Variants in OR4F5 observed in about 807,000 individuals in gnomAD.
OR4F5 encodes olfactory receptor 4F5.
A neutral mutation model predicts 5.8 loss-of-function variants in OR4F5; 1 was observed. The ratio of observed to expected loss-of-function variants is 0.17; its 90% confidence interval spans 0.06 to 0.82. The LOEUF is 0.82. Among genes scored for constraint, OR4F5 ranks in the 40% least tolerant of loss-of-function variants. The probability of loss-of-function intolerance (pLI) is 0.72; values close to 1 mark genes in which losing one functional copy is unlikely to be tolerated. For missense variants in OR4F5, 47 were observed against 175.5 expected (o/e 0.27, Z 4.14); for synonymous variants, 18 against 63.7 (o/e 0.28, Z 3.42).
At chr1:68,082 T>C (rs367789441) in intron 2 of OR4F5, among the ~76,000 whole-genome samples, 2,214 of 46,126 alleles carry the variant, frequency 0.048, 170 homozygotes, top group Middle Eastern at 0.14. Flanking sequence ...AGAACTTCTA[T>C]AAAGTTGTGC....
intron 2 of OR4F5, among the ~76,000 whole-genome samples, chr1:66,227 T>A (rs1357616742): frequency 1.0e-4 from 2 of 19,064 alleles, no homozygotes; most frequent in African/African-American, 1.1e-4. Flanking sequence ...TAATATATAT[T>A]ATATAATATA....
rs113961546 is a variant in OR4F5, at chr1:66,238, T to A, written c.9+665T>A. On this transcript the variant is annotated intron_variant, in intron 2 of 2. Coordinates refer to ENST00000641515, the MANE Select transcript of OR4F5 (RefSeq NM_001005484.2). ...TATATAATATATATTATATAATATA[T>A]ATTATATTATATAATATATAATATA... Among the ~76,000 whole-genome samples the A allele has an allele frequency of 4.7e-3, 218 of 46,016 alleles. 15 individuals are homozygous for A. Among genetic ancestry groups the A allele is most frequent in the African/African-American group, 0.011 (197 of 17,206 alleles). 30.2% of individuals were successfully genotyped at this position (46,016 alleles called of 152,430 possible).
intron 2 of OR4F5, among the ~76,000 whole-genome samples, chr1:66,385 TA>T (rs1304791055): frequency 1.5e-5 from 1 of 68,378 alleles, no homozygotes; most frequent in Non-Finnish European, 3.0e-5. Flanking sequence ...ATAAATTATA[TA>T]ATATAATATA....
intron 2 of OR4F5, among the ~76,000 whole-genome samples, chr1:67,439 C>T (rs1289549105): frequency 1.1e-5 from 1 of 93,462 alleles, no homozygotes; most frequent in African/African-American, 2.9e-5. Flanking sequence ...CTTTAAAAAA[C>T]AGCAAAAATC....
At chr1:66,534 T>TTTTATTATATAATATATATTATATAATA (rs1639949995) in intron 2 of OR4F5, among the ~76,000 whole-genome samples, 33 of 66,560 alleles carry the variant, frequency 5.0e-4, no homozygotes, top group African/African-American at 1.4e-3. Flanking sequence ...ATAATATATA[T>TTTTATTATATAATATATATTATATAATA]TATATTTATA....
intron 2 of OR4F5, among the ~76,000 whole-genome samples, chr1:67,347 G>T (rs1159855492): frequency 9.5e-5 from 10 of 105,016 alleles, no homozygotes; most frequent in African/African-American, 2.8e-4. Context: ...GTAATGTGCT[G>T]CTTTGAGTGT....
rs1639990460 is a variant in OR4F5 at position 70,655 on chromosome 1, G to A, written c.*647G>A. ...GTAGAAAGAATTTAGAGGGATCCAG[G>A]CTCTCATCACGTTGGCACAAAGTAT... On this transcript the variant is annotated 3_prime_UTR_variant, in exon 3 of 3. Transcript: ENST00000641515. 1 of 117,188 alleles carries A rather than the reference G, an allele frequency of 8.5e-6. No homozygotes were observed. Among genetic ancestry groups the A allele is most frequent in the Non-Finnish European group, 2.0e-5 (1 of 50,118 alleles). 7.3% of individuals were successfully genotyped at this position (117,188 alleles called of 1,614,324 possible).
chr1:66,217 TAA>T (rs1491427761), intron 2 of OR4F5, among the ~76,000 whole-genome samples: 3 of 66,178 alleles, frequency 4.5e-5, no homozygotes, highest in African/African-American at 1.2e-4. Flanking sequence ...ATTATATATA[TAA>T]TATATATTAT....
intron 2 of OR4F5, among the ~76,000 whole-genome samples, chr1:66,599 TA>T (rs1639951384): frequency 1.1e-5 from 1 of 89,182 alleles, no homozygotes; most frequent in Non-Finnish European, 2.4e-5. Context: ...TAAATATATT[TA>T]TATATTATAT....
chr1:66,436 T>A (rs1307977152), intron 2 of OR4F5, among the ~76,000 whole-genome samples: 1 of 54,182 alleles, frequency 1.8e-5, no homozygotes. Flanking sequence ...TAAATATATA[T>A]TATATTATAT....
intron 2 of OR4F5, among the ~76,000 whole-genome samples, chr1:66,534 T>TA (rs1275627785): frequency 7.5e-5 from 5 of 66,690 alleles, no homozygotes; most frequent in East Asian, 2.5e-4. Context: ...ATAATATATA[T>TA]TATATTTATA....
intron 2 of OR4F5, among the ~76,000 whole-genome samples, chr1:66,231 TA>T (rs1639935324): frequency 4.9e-4 from 29 of 58,748 alleles, no homozygotes; most frequent in African/African-American, 1.2e-3. Flanking sequence ...ATATATTATA[TA>T]ATATATATTA....
In OR4F5 at chr1:69,551, C is replaced by T. The variant is rs1253929898; in HGVS notation, c.524C>T (p.Ala175Val). The T allele has an allele frequency of 2.9e-6, 3 of 1,017,254 alleles. 1 individual carries two copies. Among genetic ancestry groups the T allele is most frequent in the South Asian group, 1.5e-5 (1 of 67,210 alleles). The allele number at this position is 1,017,254 out of a possible 1,614,324, so 63.0% of individuals were successfully genotyped here. The stretch of plus-strand genomic sequence containing the variant: ...TTTCTCCATTCGGTGAGCCAGTTGG[C>T]GTTTGCCGTGCACTTACTCTTCTGT... ...IGFLHSVSQLAFAVHLLFCGP... is the reference protein window; with the variant it reads ...IGFLHSVSQLVFAVHLLFCGP... Residue 175 changes from alanine (A) to valine (V), a missense_variant, in exon 3 of 3, where the codon GCG becomes GTG. Around this residue, in one of 3 missense-constraint regions of OR4F5, gnomAD observed 40 missense variants for 68.3 expected, o/e 0.59. Transcript: ENST00000641515.
rs868276049 is a variant in OR4F5 at position 66,352 on chromosome 1, T to C, written c.9+779T>C. ...ATATATATTTTATTATATAATATAA[T>C]ATATATTATATAAATATAATATATA... On this transcript the variant is annotated intron_variant, in intron 2 of 2. Transcript: ENST00000641515. Among the ~76,000 whole-genome samples, 161 of 44,598 alleles carry C rather than the reference T, an allele frequency of 3.6e-3. 1 individual carries two copies. The highest frequency in any genetic ancestry group is 9.2e-3 in the African/African-American group (157 of 17,080). 29.3% of individuals were successfully genotyped at this position (44,598 alleles called of 152,430 possible). A position where few individuals can be genotyped will look rare whatever the true frequency, so the allele number is the denominator to read the frequency against.
At chr1:66,442 T>TCATATA (rs1269543122) in intron 2 of OR4F5, among the ~76,000 whole-genome samples, 2 of 25,982 alleles carry the variant, frequency 7.7e-5, no homozygotes, top group Non-Finnish European at 1.5e-4. Flanking sequence ...TATATTATAT[T>TCATATA]ATATAATATA....
In OR4F5 at chr1:69,588, G is replaced by C; in HGVS notation, c.561G>C (p.Glu187Asp). ...AVHLLFCGPN[E>D]VDSFYCDLPR... The stretch of plus-strand genomic sequence containing the variant: ...ACTTACTCTTCTGTGGTCCCAATGA[G>C]GTCGATAGTTTTTATTGTGACCTTC... Residue 187 changes from glutamate (E) to aspartate (D), a missense_variant, in exon 3 of 3, where the codon GAG becomes GAC. Transcript: ENST00000641515. 3.8e-6 allele frequency: 4 copies of C among 1,045,176 alleles called. 1 individual carries two copies. The highest frequency in any genetic ancestry group is 5.4e-6 in the Non-Finnish European group (4 of 745,064). 64.7% of individuals were successfully genotyped at this position (1,045,176 alleles called of 1,614,324 possible).
chr1:66,562 T>C, intron 2 of OR4F5, among the ~76,000 whole-genome samples: 1 of 67,552 alleles, frequency 1.5e-5, no homozygotes, highest in Non-Finnish European at 3.6e-5. Context: ...TATATTATTA[T>C]ATAAAATATG....
Position 66,361 on chromosome 1 carries a change from TATAA to T in OR4F5, c.9+792_9+795del, listed in dbSNP as rs1639941289. Among the ~76,000 whole-genome samples, 9 of 43,398 alleles carry T rather than the reference TATAA, an allele frequency of 2.1e-4. No homozygotes were observed. In the South Asian group the frequency reaches 4.7e-3, roughly 23 times the overall value. 28.5% of individuals were successfully genotyped at this position (43,398 alleles called of 152,430 possible). ...TTATTATATAATATAATATATATTA[TATAA>T]ATATAATATATAAATTATATAATAT... is the stretch of plus-strand genomic sequence containing the variant. On this transcript the variant is annotated intron_variant, in intron 2 of 2. Coordinates refer to ENST00000641515, the MANE Select transcript of OR4F5 (RefSeq NM_001005484.2).
At chr1:66,693 C>A (rs1389654305) in intron 2 of OR4F5, among the ~76,000 whole-genome samples, 1 of 116,682 alleles carries the variant, frequency 8.6e-6, no homozygotes, top group Non-Finnish European at 1.9e-5. Context: ...TCAACAGTGG[C>A]TGGCTCTTCA....
Sources: gnomAD v4.1 joint callset for allele counts (sites outside exome capture counted in the v4.1 genomes callset) on GRCh38, gnomAD v4.1.1 for gene constraint, gnomAD v4.1.1 regional missense constraint, MANE v1.5 for transcripts, NCBI Gene and HGNC (gene_info 2026-07-23, HGNC 2026-07-21) for gene names.